The following MPP7 variants were observed in gnomAD, a reference collection of about 807,000 sequenced individuals.
MPP7 encodes the protein MAGUK p55 scaffold protein 7.
In MPP7, 60 loss-of-function variants were observed where a neutral mutation model predicts 76.5. The ratio of observed to expected loss-of-function variants is 0.78; its 90% CI spans 0.64 to 0.97. MPP7 has a LOEUF of 0.97. Ranked by LOEUF, MPP7 falls within the 50% of genes least tolerant of loss-of-function variation. The pLI, the probability that MPP7 is intolerant of heterozygous loss-of-function variation, is 0.00. For synonymous variants in MPP7, 237 were observed against 244.5 expected, an observed-to-expected ratio of 0.97 and a Z score of 0.29; for missense variants, 641 against 694.0, an observed-to-expected ratio of 0.92 and a Z score of 0.86.
rs564692861 is a variant in MPP7 at position 28,288,301 on chromosome 10, G to A, written c.-132+14560C>T. On this transcript the variant is annotated intron_variant, in intron 1 of 16. Coordinates refer to ENST00000683449, the MANE Select transcript of MPP7 (RefSeq NM_001318170.2). ...GTCACTCAGGCTGGAGTGCAGTGGT[G>A]TGATCATGGTACACTGCAGCCTCAA... Among the ~76,000 whole-genome samples the A allele has an allele frequency of 3.9e-4, 60 of 152,234 alleles. 1 individual carries two copies. Among genetic ancestry groups the A allele is most frequent in the African/African-American group, 1.4e-3 (57 of 41,546 alleles).
intron 1 of MPP7, among the ~76,000 whole-genome samples, chr10:28,257,806 G>T (rs1839835071): frequency 6.6e-6 from 1 of 151,144 alleles, no homozygotes; most frequent in African/African-American, 2.4e-5. Context: ...TTTATAACAG[G>T]TTCTATGTCT....
At chr10:28,315,420 G>GTTTA (rs1834311875) in intron 2 of MPP7, among the ~76,000 whole-genome samples, 1 of 152,068 alleles carries the variant, frequency 6.6e-6, no homozygotes, top group Admixed American at 6.6e-5. Context: ...GTGTGGCAGT[G>GTTTA]TTTACCTGAA....
intron 5 of MPP7, among the ~76,000 whole-genome samples, chr10:28,143,581 C>CGTGTGCTCTGTGTGTGTGTGTGTG (rs765475349): frequency 4.0e-5 from 6 of 151,800 alleles, no homozygotes; most frequent in South Asian, 2.1e-4. Flanking sequence ...GTATTCCTAT[C>CGTGTGCTCTGTGTGTGTGTGTGTG]TTTGTGGATC....
In MPP7 at chr10:28,277,416, A is replaced by G. The variant is rs369123973; in HGVS notation, c.-132+25445T>C. Reference sequence around the variant, plus strand: ...AAATTTTTTAAAAAATTAAAATCACAAAAACGATCTCCTAATGTTTTAAGA... The same window carrying G: ...AAATTTTTTAAAAAATTAAAATCACGAAAACGATCTCCTAATGTTTTAAGA... On this transcript the variant is annotated intron_variant, in intron 1 of 16. Transcript: ENST00000683449. 3.9e-5 allele frequency among the ~76,000 whole-genome samples: 6 copies of G among 152,068 alleles called. No homozygotes were observed. In the East Asian group the frequency reaches 9.6e-4, roughly 24 times the overall value.
At chr10:28,071,427 A>G (rs1050603881) in intron 12 of MPP7, among the ~76,000 whole-genome samples, 1 of 152,102 alleles carries the variant, frequency 6.6e-6, no homozygotes, top group African/African-American at 2.4e-5. Flanking sequence ...GTGGTCATTC[A>G]CTACCACCTT....
intron 1 of MPP7, among the ~76,000 whole-genome samples, chr10:28,243,741 C>A (rs185779291): frequency 5.3e-5 from 8 of 152,132 alleles, no homozygotes; most frequent in Non-Finnish European, 5.9e-5. Flanking sequence ...CCGGAACATA[C>A]AGCAACAAAA....
intron 3 of MPP7, among the ~76,000 whole-genome samples, chr10:28,177,304 C>T (rs534969092): frequency 2.7e-5 from 4 of 147,376 alleles, no homozygotes; most frequent in South Asian, 2.2e-4. Context: ...CATGGTGGCG[C>T]GGCTGAGGCA....
intron 11 of MPP7, among the ~76,000 whole-genome samples, chr10:28,103,537 C>A (rs998208034): frequency 5.9e-5 from 9 of 152,148 alleles, no homozygotes; most frequent in Non-Finnish European, 1.5e-5. Flanking sequence ...ATTTGAAATG[C>A]CCATTTCCCC....
At chr10:28,133,950 C>G (rs552453166) in intron 5 of MPP7, among the ~76,000 whole-genome samples, 1 of 152,050 alleles carries the variant, frequency 6.6e-6, no homozygotes, top group Non-Finnish European at 1.5e-5. Context: ...TTTCTTTACC[C>G]ATTATGCCTT....
chr10:28,297,697 T>C (rs943898515), intron 1 of MPP7, among the ~76,000 whole-genome samples: 1 of 151,942 alleles, frequency 6.6e-6, no homozygotes, highest in African/African-American at 2.4e-5. Flanking sequence ...AGACTCCGTC[T>C]CAAAAAAATA....
chr10:28,327,634 C>A (rs113313895), intron 2 of MPP7, among the ~76,000 whole-genome samples: 1 of 152,022 alleles, frequency 6.6e-6, no homozygotes, highest in African/African-American at 2.4e-5. Flanking sequence ...ATTGTTCCAG[C>A]GAGGTTTCTA....
At chr10:28,116,750 A>AT (rs1435278529) in intron 11 of MPP7, among the ~76,000 whole-genome samples, 5 of 152,100 alleles carry the variant, frequency 3.3e-5, no homozygotes, top group African/African-American at 7.2e-5. Flanking sequence ...GTTTTCAGGA[A>AT]TTTTTTAAGA....
intron 5 of MPP7, among the ~76,000 whole-genome samples, chr10:28,133,044 T>C (rs566578379): frequency 3.3e-5 from 5 of 152,366 alleles, no homozygotes; most frequent in Admixed American, 1.3e-4. Flanking sequence ...CCATTGTCTA[T>C]GGCCGCTGTC....
At chr10:28,130,136 TTAGA>T (rs1249723315) in intron 6 of MPP7, among the ~76,000 whole-genome samples, 2 of 148,022 alleles carry the variant, frequency 1.4e-5, no homozygotes, top group African/African-American at 5.1e-5. Context: ...CTTTTAAATA[TTAGA>T]TGGAATATAT....
intron 2 of MPP7, among the ~76,000 whole-genome samples, chr10:28,309,227 A>G (rs1841275482): frequency 6.6e-6 from 1 of 152,172 alleles, no homozygotes; most frequent in Non-Finnish European, 1.5e-5. Context: ...CAGCCCGGCC[A>G]ACATCGTGAA....
intron 3 of MPP7, among the ~76,000 whole-genome samples, chr10:28,151,937 C>T (rs1209214671): frequency 2.6e-5 from 4 of 152,170 alleles, no homozygotes; most frequent in Admixed American, 6.5e-5. Context: ...TATAACAAAT[C>T]GCAGTGACTG....
chr10:28,058,489 A>G lies in MPP7; in HGVS notation c.1407+6T>C. 6.5e-7 allele frequency: 1 copy of G among 1,549,050 alleles called. No individual in the cohort carries two copies. Among genetic ancestry groups the G allele is most frequent in the South Asian group, 1.2e-5 (1 of 86,482 alleles). On this transcript the variant is annotated splice_donor_region_variant and intron_variant, in intron 15 of 16. Coordinates refer to ENST00000683449, the MANE Select transcript of MPP7 (RefSeq NM_001318170.2). The stretch of plus-strand genomic sequence containing the variant: ...AAGGGTATTGAATAGCTCATTGTTT[A>G]CTTACATGAGGCTGAACATCCAACA...
At chr10:28,067,868 CA>C (rs1208891677) in intron 13 of MPP7, among the ~76,000 whole-genome samples, 1 of 151,702 alleles carries the variant, frequency 6.6e-6, no homozygotes, top group African/African-American at 2.4e-5. Flanking sequence ...GAACTGGTAT[CA>C]AAAAAAACTT....
chr10:28,214,794 C>G (rs1838254776), intron 2 of MPP7, among the ~76,000 whole-genome samples: 1 of 152,182 alleles, frequency 6.6e-6, no homozygotes, highest in African/African-American at 2.4e-5. Context: ...AGAAAGACCC[C>G]CTTCTTGCCT....
Sources: allele counts gnomAD v4.1 joint callset (sites outside exome capture counted in the v4.1 genomes callset), GRCh38; gene constraint gnomAD v4.1.1; transcripts MANE v1.5; gene names NCBI Gene and HGNC (gene_info 2026-07-23, HGNC 2026-07-21).